The following PTPRD variants were observed in gnomAD, a reference collection of about 807,000 sequenced individuals.
The protein encoded by PTPRD is protein tyrosine phosphatase receptor type D, also known as receptor-type tyrosine-protein phosphatase delta.
A neutral mutation model predicts 214.5 loss-of-function variants in PTPRD; 34 were observed. That is an observed-to-expected ratio of 0.16 (90% CI 0.12 to 0.21). The LOEUF (loss-of-function observed/expected upper bound fraction) is 0.21, where lower values mean the gene tolerates loss of function less well. Ranked by LOEUF, PTPRD falls within the 10% of genes least tolerant of loss-of-function variation. The pLI is 1.00. For synonymous variants in PTPRD, 1,128 were observed against 845.7 expected (o/e 1.33, Z -5.79); for missense variants, 2,545 against 2,398.7 (o/e 1.06, Z -1.27).
intron 2 of PTPRD, among the ~76,000 whole-genome samples, chr9:10,512,110 T>C (rs1205189863): frequency 2.0e-5 from 3 of 148,668 alleles, no homozygotes; most frequent in Non-Finnish European, 4.5e-5. Flanking sequence ...AAAACCACCA[T>C]TCAAGAGGTT....
Position 9,164,710 on chromosome 9 carries a change from T to C in PTPRD, c.-143+18594A>G, listed in dbSNP as rs536548167. Among the ~76,000 whole-genome samples the C allele has an allele frequency of 6.0e-4, 91 of 152,216 alleles. 2 individuals are homozygous for C. The highest frequency in any genetic ancestry group is 3.1e-3 in the South Asian group (15 of 4,832). Reference sequence around the variant, plus strand: ...AAATACAAAGTCCTAGACTGATTTCTTTTTTAAAAAATTTCTCCAAGGCTA... The same window carrying C: ...AAATACAAAGTCCTAGACTGATTTCCTTTTTAAAAAATTTCTCCAAGGCTA... On this transcript the variant is annotated intron_variant, in intron 10 of 45. Coordinates refer to ENST00000381196, the MANE Select transcript of PTPRD (RefSeq NM_002839.4).
At chr9:9,530,082 G>C (rs2154263206) in intron 8 of PTPRD, among the ~76,000 whole-genome samples, 1 of 152,096 alleles carries the variant, frequency 6.6e-6, no homozygotes. Context: ...ATCTAATGAT[G>C]CATTTCAAGA....
At chr9:8,617,276 T>C (rs1465142359) in intron 14 of PTPRD, among the ~76,000 whole-genome samples, 1 of 151,994 alleles carries the variant, frequency 6.6e-6, no homozygotes, top group East Asian at 1.9e-4. Context: ...AGAATGAAGA[T>C]GTCTACTCAG....
chr9:8,858,434 T>A (rs914068639), intron 11 of PTPRD: 27 of 152,204 alleles, frequency 1.8e-4, no homozygotes, highest in Admixed American at 1.6e-3. Flanking sequence ...AGCCCAGTCT[T>A]TGGACCTGGC....
intron 11 of PTPRD, among the ~76,000 whole-genome samples, chr9:8,850,748 C>G (rs1347612611): frequency 6.6e-6 from 1 of 152,104 alleles, no homozygotes; most frequent in Non-Finnish European, 1.5e-5. Context: ...GTTTTTCTCT[C>G]AAAATTCTCT....
At chr9:9,466,576 T>C (rs949111623) in intron 8 of PTPRD, among the ~76,000 whole-genome samples, 1 of 152,194 alleles carries the variant, frequency 6.6e-6, no homozygotes, top group Non-Finnish European at 1.5e-5. Flanking sequence ...CTGTGTTTCA[T>C]ACTTACTTTT....
chr9:9,797,845 T>C (rs960428584), intron 5 of PTPRD, among the ~76,000 whole-genome samples: 1 of 151,514 alleles, frequency 6.6e-6, no homozygotes, highest in Non-Finnish European at 1.5e-5. Flanking sequence ...CGAGACTTAA[T>C]CTCAAAAAAA....
At chr9:10,197,800 T>A (rs995038264) in intron 3 of PTPRD, among the ~76,000 whole-genome samples, 5 of 152,058 alleles carry the variant, frequency 3.3e-5, no homozygotes, top group African/African-American at 1.2e-4. Flanking sequence ...GATGGGTCTG[T>A]AAGGCAGTTA....
At chr9:9,235,765 A>T (rs1041704359) in intron 9 of PTPRD, among the ~76,000 whole-genome samples, 4 of 152,156 alleles carry the variant, frequency 2.6e-5, no homozygotes, top group African/African-American at 9.7e-5. Flanking sequence ...GTAAAGTAAA[A>T]ATTTGTTTGT....
intron 2 of PTPRD, among the ~76,000 whole-genome samples, chr9:10,511,042 TGTTATTGTAAATGTACTTATGATTCATAC>T (rs2047848272): frequency 2.0e-5 from 3 of 152,254 alleles, no homozygotes; most frequent in Admixed American, 6.5e-5. Context: ...GATTCATACA[TGTTATTGTAAATGTACTTATGATTCATAC>T]ATGTTATTGT....
intron 3 of PTPRD, among the ~76,000 whole-genome samples, chr9:10,200,944 A>G (rs1016894776): frequency 9.9e-5 from 15 of 152,098 alleles, no homozygotes; most frequent in African/African-American, 3.1e-4. Flanking sequence ...ATTAATCATG[A>G]GTCATTGGCA....
chr9:9,912,783 T>C (rs768278463), intron 5 of PTPRD, among the ~76,000 whole-genome samples: 7 of 152,206 alleles, frequency 4.6e-5, no homozygotes, highest in Non-Finnish European at 7.3e-5. Flanking sequence ...TGTAAAGATT[T>C]TTTTTCTTTT....
At chr9:9,605,676 G>A (rs2094108669) in intron 7 of PTPRD, among the ~76,000 whole-genome samples, 2 of 152,042 alleles carry the variant, frequency 1.3e-5, no homozygotes, top group African/African-American at 4.8e-5. Flanking sequence ...TGAGACTGGA[G>A]TCAGGGAGAA....
At chr9:9,684,911 G>A (rs78096351) in intron 7 of PTPRD, among the ~76,000 whole-genome samples, 195 of 151,502 alleles carry the variant, frequency 1.3e-3, no homozygotes, top group African/African-American at 4.1e-3. Context: ...GCTCTGTGTT[G>A]TATTAATTTT....
At chr9:9,385,669 T>C (rs1161521375) in intron 9 of PTPRD, among the ~76,000 whole-genome samples, 4 of 152,192 alleles carry the variant, frequency 2.6e-5, no homozygotes, top group African/African-American at 9.6e-5. Flanking sequence ...GCAAGAAGAA[T>C]GATCATTCTC....
intron 8 of PTPRD, among the ~76,000 whole-genome samples, chr9:9,544,374 G>T (rs1270865816): frequency 6.6e-6 from 1 of 151,506 alleles, no homozygotes; most frequent in Admixed American, 6.6e-5. Flanking sequence ...TAATTACTTT[G>T]TATAAATATT....
rs1269359598 is a variant in PTPRD at position 10,248,876 on chromosome 9, A to AAC, written c.-545+92086_-545+92087insGT. Among the ~76,000 whole-genome samples the AAC allele has an allele frequency of 4.3e-5, 4 of 92,474 alleles. No individual in the cohort carries two copies. In the East Asian group the frequency reaches 1.8e-3, roughly 40 times the overall value. 60.7% of individuals were successfully genotyped at this position (92,474 alleles called of 152,430 possible). ...TTCTTATGCACAGAGGTGATATTTT[A>AAC]TCTTTTTTTTAGCAATATTGATACT... On this transcript the variant is annotated intron_variant, in intron 3 of 45. Transcript: ENST00000381196.
In PTPRD at chr9:8,576,051, A is replaced by T. The variant is rs2092311755; in HGVS notation, c.353-47272T>A. 1.3e-5 allele frequency among the ~76,000 whole-genome samples: 2 copies of T among 152,224 alleles called. 1 individual carries two copies. Among genetic ancestry groups the T allele is most frequent in the South Asian group, 4.1e-4 (2 of 4,838 alleles). On this transcript the variant is annotated intron_variant, in intron 14 of 45. Coordinates refer to ENST00000381196, the MANE Select transcript of PTPRD (RefSeq NM_002839.4). The stretch of plus-strand genomic sequence containing the variant: ...CATGTTGTAATGGATGATACTTAGT[A>T]TGCATGAAAGCTTGGGAGCAAATAA...
chr9:9,515,987 A>T (rs1240168365), intron 8 of PTPRD, among the ~76,000 whole-genome samples: 1 of 152,160 alleles, frequency 6.6e-6, no homozygotes, highest in African/African-American at 2.4e-5. Context: ...TATTATGTGA[A>T]TGCTGCAATT....
Sources: gnomAD v4.1 joint callset for allele counts (sites outside exome capture counted in the v4.1 genomes callset) on GRCh38, gnomAD v4.1.1 for gene constraint, MANE v1.5 for transcripts, NCBI Gene and HGNC (gene_info 2026-07-23, HGNC 2026-07-21) for gene names.